The following REV3L variants were observed in gnomAD, a reference collection of about 807,000 sequenced individuals.
The protein encoded by REV3L is REV3 like, DNA directed polymerase zeta catalytic subunit.
A neutral mutation model predicts 299.4 loss-of-function variants in REV3L; 69 were observed. The observed-to-expected ratio is 0.23, with a 90% CI of 0.19 to 0.28. REV3L has a LOEUF of 0.28. REV3L is among the 10% of genes least tolerant of loss of function. REV3L has a pLI of 1.00. For missense variants in REV3L, 3,128 were observed against 3,693.8 expected (o/e 0.85, Z 3.97); for synonymous variants, 1,238 against 1,271.4 (o/e 0.97, Z 0.56).
chr6:111,349,049 C>G (rs1261543001), intron 20 of REV3L, 169 bp downstream of exon 20: 6 of 470,920 alleles, frequency 1.3e-5, no homozygotes, highest in African/African-American at 8.0e-5. Flanking sequence ...AGTCTATTAC[C>G]TCTGTAGTTT....
intron 1 of REV3L, among the ~76,000 whole-genome samples, chr6:111,471,790 A>C (rs895608831): frequency 6.6e-6 from 1 of 152,166 alleles, no homozygotes; most frequent in Non-Finnish European, 1.5e-5. Flanking sequence ...CAAACACAAT[A>C]TCCATTGTAA....
intron 21 of REV3L, among the ~76,000 whole-genome samples, chr6:111,335,893 G>GCT (rs1775843902): frequency 1.3e-5 from 2 of 151,922 alleles, no homozygotes; most frequent in African/African-American, 4.8e-5. Flanking sequence ...GCTTGATGTT[G>GCT]CTCTATTCTT....
At chr6:111,417,527 G>A (rs1784900720) in intron 1 of REV3L, among the ~76,000 whole-genome samples, 1 of 152,102 alleles carries the variant, frequency 6.6e-6, no homozygotes, top group Non-Finnish European at 1.5e-5. Flanking sequence ...CAAGCCTCAG[G>A]CTTCTTCCCC....
At chr6:111,329,830 G>C (rs1029400250) in intron 24 of REV3L, 92 bp from the exon 25 acceptor site, 27 of 918,320 alleles carry the variant, frequency 2.9e-5, no homozygotes, top group Admixed American at 1.1e-4. Flanking sequence ...ATGGCCAACT[G>C]TCAGGAATTG....
intron 26 of REV3L, 133 bp downstream of exon 26, chr6:111,322,436 A>G (rs2114782417): frequency 3.0e-6 from 2 of 676,268 alleles, no homozygotes; most frequent in Middle Eastern, 2.5e-4. Flanking sequence ...AACTCTGATC[A>G]TGAGATCGTA....
chr6:111,368,863 G>C (rs1030767984), intron 13 of REV3L, among the ~76,000 whole-genome samples: 17 of 152,102 alleles, frequency 1.1e-4, no homozygotes, highest in Non-Finnish European at 2.1e-4. Flanking sequence ...CTTAGGGCAT[G>C]ATTCCCCAAA....
In REV3L at chr6:111,359,520, G is replaced by GAAAA. The variant is rs371680267; in HGVS notation, c.6880-510_6880-507dup. Among the ~76,000 whole-genome samples, 191 of 102,584 alleles carry GAAAA rather than the reference G, an allele frequency of 1.9e-3. 12 individuals carry two copies. Among genetic ancestry groups the GAAAA allele is most frequent in the Non-Finnish European group, 2.5e-3 (136 of 54,684 alleles). The allele number at this position is 102,584 out of a possible 152,430, so 67.3% of individuals were successfully genotyped here. ...CAGATTTTTAATTATAGTTTTTCCT[G>GAAAA]AAAAAAAAAAAAAAAAAAAAAAGAA... On this transcript the variant is annotated intron_variant, in intron 16 of 31. Transcript: ENST00000368802.
intron 1 of REV3L, chr6:111,431,094 T>C: frequency 1.3e-6 from 2 of 1,500,316 alleles, no homozygotes; most frequent in East Asian, 2.3e-5. Context: ...TCAACAAGAA[T>C]GATTCTGATT....
intron 1 of REV3L, among the ~76,000 whole-genome samples, chr6:111,482,061 C>G (rs1026552847): frequency 2.0e-5 from 3 of 152,166 alleles, no homozygotes; most frequent in Non-Finnish European, 2.9e-5. Context: ...TTCCTACTTC[C>G]ATGGATGCAC....
intron 1 of REV3L, among the ~76,000 whole-genome samples, chr6:111,440,269 A>G (rs1448405243): frequency 2.0e-5 from 3 of 152,084 alleles, no homozygotes; most frequent in Non-Finnish European, 2.9e-5. Flanking sequence ...GGGTTTCTCC[A>G]TGTTGGTCAG....
rs72278360 is a variant in REV3L at position 111,360,468 on chromosome 6, ATC to A, written c.6880-1456_6880-1455del. ...GTGCTCATTGTAAATTTGTTAAATA[ATC>A]TTTTTTTTTTTTTTTTTTTTTTAGA... On this transcript the variant is annotated intron_variant, in intron 16 of 31. Transcript: ENST00000368802. Among the ~76,000 whole-genome samples, 14 of 133,466 alleles carry A rather than the reference ATC, an allele frequency of 1.0e-4. 1 individual carries two copies. Among genetic ancestry groups the A allele is most frequent in the Admixed American group, 1.6e-4 (2 of 12,822 alleles). The allele number at this position is 133,466 out of a possible 152,430, so 87.6% of individuals were successfully genotyped here.
rs748263783 is a variant in REV3L, at chr6:111,367,532, G to C, written c.6256C>G (p.Gln2086Glu). ...AGCATCTGACTTTCACTTGCAGTTT[G>C]ACTACATCCCGTGGTTGGTGCTTGT... ...ALQAPTTGCSQTASESQMLPP... is the reference protein window; with the variant it reads ...ALQAPTTGCSETASESQMLPP... Residue 2086 changes from glutamine to glutamate, a missense_variant, in exon 14 of 32, where the codon CAA becomes GAA. Coordinates refer to ENST00000368802, the MANE Select transcript of REV3L (RefSeq NM_001372078.1). 5 of 1,612,694 alleles carry C rather than the reference G, an allele frequency of 3.1e-6. No homozygotes were observed. Among genetic ancestry groups the C allele is most frequent in the Admixed American group, 1.7e-5 (1 of 59,974 alleles).
intron 4 of REV3L, among the ~76,000 whole-genome samples, chr6:111,393,871 T>C (rs1405595431): frequency 6.6e-6 from 1 of 152,118 alleles, no homozygotes; most frequent in Non-Finnish European, 1.5e-5. Flanking sequence ...AGTAAGAACA[T>C]GTGATATTTG....
intron 4 of REV3L, among the ~76,000 whole-genome samples, chr6:111,396,811 T>G (rs1782559461): frequency 6.6e-6 from 1 of 152,158 alleles, no homozygotes; most frequent in African/African-American, 2.4e-5. Context: ...ATTGCAGGTG[T>G]GAGCCACTGT....
intron 16 of REV3L, chr6:111,361,361 G>C (rs1425168449): frequency 6.8e-6 from 1 of 147,160 alleles, no homozygotes; most frequent in Non-Finnish European, 1.5e-5. Flanking sequence ...TCCAGCCTGG[G>C]TGACAGAGTG....
chr6:111,308,322 T>C, intron 30 of REV3L: 1 of 449,866 alleles, frequency 2.2e-6, no homozygotes, highest in South Asian at 1.6e-5. Flanking sequence ...GAAATGAACA[T>C]TAGTAATAAA....
At chr6:111,363,375 A>G (rs1488519838) in intron 16 of REV3L, among the ~76,000 whole-genome samples, 1 of 152,010 alleles carries the variant, frequency 6.6e-6, no homozygotes, top group Non-Finnish European at 1.5e-5. Flanking sequence ...GCGCAATCAC[A>G]GCTCACTGCA....
At chr6:111,399,894 TC>T (rs1562254479) in intron 4 of REV3L, among the ~76,000 whole-genome samples, 1 of 152,130 alleles carries the variant, frequency 6.6e-6, no homozygotes. Flanking sequence ...CTTAAAAAGT[TC>T]CCCTGTACAT....
intron 24 of REV3L, chr6:111,331,046 C>T (rs1775326944): frequency 2.0e-6 from 2 of 981,040 alleles, no homozygotes; most frequent in South Asian, 9.4e-5. Flanking sequence ...GATTCTAGTA[C>T]AGACTCACTG....
Sources: allele counts gnomAD v4.1 joint callset (sites outside exome capture counted in the v4.1 genomes callset), GRCh38; gene constraint gnomAD v4.1.1; transcripts MANE v1.5; gene names NCBI Gene and HGNC (gene_info 2026-07-23, HGNC 2026-07-21).